The following BNC2 variants were observed in gnomAD, a reference collection of about 807,000 sequenced individuals.
BNC2 encodes the protein basonuclin zinc finger protein 2, also known as zinc finger protein basonuclin-2.
In BNC2, 20 loss-of-function variants were observed where a neutral mutation model predicts 76.3. The ratio of observed to expected loss-of-function variants is 0.26; its 90% confidence interval spans 0.18 to 0.38. BNC2 has a LOEUF of 0.38. Among genes scored for constraint, BNC2 ranks in the 10% least tolerant of loss-of-function variants. The pLI is 1.00. For synonymous variants in BNC2, 582 were observed against 514.8 expected (o/e 1.13, Z -1.77); for missense variants, 1,382 against 1,399.8 (o/e 0.99, Z 0.20).
intron 5 of BNC2, among the ~76,000 whole-genome samples, chr9:16,467,593 A>G (rs1316041184): frequency 7.1e-6 from 1 of 141,164 alleles, no homozygotes; most frequent in East Asian, 2.1e-4. Context: ...CAAAAAACCA[A>G]ACACCGCATA....
At chr9:16,755,795 T>C (rs1219267059) in intron 1 of BNC2, among the ~76,000 whole-genome samples, 3 of 152,196 alleles carry the variant, frequency 2.0e-5, no homozygotes, top group African/African-American at 2.4e-5. Flanking sequence ...AATGGCACCA[T>C]CTGCTATTGA....
At chr9:16,786,321 T>C (rs963716325) in intron 1 of BNC2, among the ~76,000 whole-genome samples, 5 of 152,050 alleles carry the variant, frequency 3.3e-5, no homozygotes, top group Non-Finnish European at 5.9e-5. Flanking sequence ...GACTGAGCCA[T>C]TGGAGAATGG....
chr9:16,494,548 G>A (rs1343764421), intron 5 of BNC2, among the ~76,000 whole-genome samples: 1 of 152,114 alleles, frequency 6.6e-6, no homozygotes, highest in African/African-American at 2.4e-5. Context: ...AGCAGTCAGG[G>A]CAAGAGTCAT....
chr9:16,445,315 G>C (rs1347778480), intron 5 of BNC2, among the ~76,000 whole-genome samples: 1 of 152,134 alleles, frequency 6.6e-6, no homozygotes, highest in Non-Finnish European at 1.5e-5. Context: ...GCTTGTGTAA[G>C]TAAACAAAAT....
chr9:16,525,037 C>A (rs1414987762), intron 5 of BNC2, among the ~76,000 whole-genome samples: 1 of 145,748 alleles, frequency 6.9e-6, no homozygotes, highest in Non-Finnish European at 1.5e-5. Context: ...AGCGCCACTG[C>A]ACTCCAGCTG....
At position 16,491,482 on chromosome 9, in the gene BNC2, T is replaced by A. The variant is rs1016119994; in HGVS notation, c.670-53958A>T. On this transcript the variant is annotated intron_variant, in intron 5 of 6. Transcript: ENST00000380672. Reference sequence around the variant, plus strand: ...TTTTAAAAAACACACATAAAACTCCTACAGCACACGCAGTATTCCTTCAAA... The same window carrying A: ...TTTTAAAAAACACACATAAAACTCCAACAGCACACGCAGTATTCCTTCAAA... 2.6e-5 allele frequency among the ~76,000 whole-genome samples: 4 copies of A among 152,354 alleles called. No individual in the cohort carries two copies. The East Asian group carries it at 7.7e-4, about 29-fold the overall frequency.
At chr9:16,668,910 G>C (rs1463703086) in intron 3 of BNC2, among the ~76,000 whole-genome samples, 3 of 152,162 alleles carry the variant, frequency 2.0e-5, no homozygotes, top group African/African-American at 7.2e-5. Context: ...AACAATCCAT[G>C]AGATGCAAAG....
intron 3 of BNC2, among the ~76,000 whole-genome samples, chr9:16,695,704 A>T (rs961653154): frequency 6.6e-6 from 1 of 151,934 alleles, no homozygotes; most frequent in Non-Finnish European, 1.5e-5. Flanking sequence ...CATTCTCGTT[A>T]AGTGACGTGA....
chr9:16,740,675 A>G (rs917758496), intron 1 of BNC2, among the ~76,000 whole-genome samples: 1 of 152,218 alleles, frequency 6.6e-6, no homozygotes, highest in Non-Finnish European at 1.5e-5. Flanking sequence ...GGTTGTGTTC[A>G]TAAGTTGGCA....
In BNC2 at chr9:16,437,278, G is replaced by C. The variant is rs114964332; in HGVS notation, c.916C>G (p.Pro306Ala). The C allele has an allele frequency of 4.1e-4, 659 of 1,614,150 alleles. 2 individuals carry two copies. The African/African-American group carries it at 7.5e-3, about 18-fold the overall frequency. ...SLLAHLENSN[P>A]SSIHHFENIP... is the part of the protein sequence containing the mutation. ...TTTTCGAAGTGATGAATGCTGGAAG[G>C]ATTGCTGTTCTCTAAGTGAGCAAGG... Residue 306 changes from proline (P) to alanine (A), a missense_variant, in exon 6 of 7, where the codon CCT becomes GCT. By Grantham distance (27) the Pro-to-Ala change is conservative. Transcript: ENST00000380672.
At chr9:16,862,220 G>A (rs542098688) in intron 1 of BNC2, among the ~76,000 whole-genome samples, 2 of 152,270 alleles carry the variant, frequency 1.3e-5, no homozygotes, top group South Asian at 2.1e-4. Context: ...GTACATGAAT[G>A]TTCAGGGCCA....
At chr9:16,724,577 T>C (rs1245507685) in intron 3 of BNC2, among the ~76,000 whole-genome samples, 1 of 152,098 alleles carries the variant, frequency 6.6e-6, no homozygotes, top group Non-Finnish European at 1.5e-5. Flanking sequence ...CAGGAAAATG[T>C]AGTCAAATAG....
chr9:16,625,408 G>A (rs979310023), intron 3 of BNC2, among the ~76,000 whole-genome samples: 1 of 152,154 alleles, frequency 6.6e-6, no homozygotes, highest in Non-Finnish European at 1.5e-5. Context: ...ATATGAAAAT[G>A]AGCCAATGAT....
chr9:16,609,767 T>C (rs920750889), intron 3 of BNC2, among the ~76,000 whole-genome samples: 5 of 152,164 alleles, frequency 3.3e-5, no homozygotes, highest in African/African-American at 1.2e-4. Flanking sequence ...ACTGATCTTT[T>C]TCTTTTTGAC....
chr9:16,863,101 G>C (rs1217403363), intron 1 of BNC2, among the ~76,000 whole-genome samples: 2 of 151,884 alleles, frequency 1.3e-5, no homozygotes, highest in African/African-American at 4.8e-5. Context: ...TTTTAGTAAA[G>C]ACGGGGTTTC....
chr9:16,813,035 C>T (rs962723021), intron 1 of BNC2, among the ~76,000 whole-genome samples: 1 of 151,934 alleles, frequency 6.6e-6, no homozygotes, highest in African/African-American at 2.4e-5. Context: ...ATGGTGAAAC[C>T]CTGTCTCTAC....
intron 3 of BNC2, among the ~76,000 whole-genome samples, chr9:16,625,165 C>T (rs1820959536): frequency 6.6e-6 from 1 of 152,162 alleles, no homozygotes; most frequent in African/African-American, 2.4e-5. Context: ...CATGCATCTA[C>T]CCTATGCATT....
At chr9:16,470,854 G>C (rs545824298) in intron 5 of BNC2, among the ~76,000 whole-genome samples, 1 of 152,340 alleles carries the variant, frequency 6.6e-6, no homozygotes, top group African/African-American at 2.4e-5. Context: ...GTGCAAAAGG[G>C]AAACATAGGG....
At chr9:16,577,830 T>C (rs571382064) in intron 4 of BNC2, among the ~76,000 whole-genome samples, 13 of 152,304 alleles carry the variant, frequency 8.5e-5, no homozygotes, top group Middle Eastern at 3.4e-3. Context: ...TTCAGATCTC[T>C]TGAAAGTGAA....
Sources: allele counts gnomAD v4.1 joint callset (sites outside exome capture counted in the v4.1 genomes callset), GRCh38; gene constraint gnomAD v4.1.1; transcripts MANE v1.5; gene names NCBI Gene and HGNC (gene_info 2026-07-23, HGNC 2026-07-21).